The following SLC28A2 variants were observed in gnomAD, a reference collection of about 807,000 sequenced individuals.
SLC28A2 encodes sodium/nucleoside cotransporter 2.
A neutral mutation model predicts 72.9 loss-of-function variants in SLC28A2; 69 were observed. The ratio of observed to expected loss-of-function variants is 0.95; its 90% CI spans 0.78 to 1.16. The LOEUF is 1.16. Among genes scored for constraint, SLC28A2 ranks in the 50% most tolerant of loss-of-function variants. SLC28A2 has a pLI of 0.00. For synonymous variants in SLC28A2, 296 were observed against 294.1 expected, an observed-to-expected ratio of 1.01 and a Z score of -0.07; for missense variants, 745 against 791.1, an observed-to-expected ratio of 0.94 and a Z score of 0.70.
At chr15:45,264,347 C>T (rs143239347) in intron 6 of SLC28A2, among the ~76,000 whole-genome samples, 41 of 152,124 alleles carry the variant, frequency 2.7e-4, no homozygotes, top group African/African-American at 8.9e-4. Flanking sequence ...AAAATCAACA[C>T]GCAGTGCAGA....
In SLC28A2 at chr15:45,272,356, A is replaced by T. The variant is rs1435647592; in HGVS notation, c.1710A>T (p.Thr570=). The part of the protein sequence containing the change: ...LSKVVVRALF[T]GACVSLISAC... ...AGGTTGTGGTCAGGGCCCTCTTCACAGGGGCCTGTGTATCCCTTATCAGTG... is the reference window on the plus strand; with the variant it reads ...AGGTTGTGGTCAGGGCCCTCTTCACTGGGGCCTGTGTATCCCTTATCAGTG... The change falls in exon 16 of 18, where the codon ACA becomes ACT. Residue 570 remains threonine (T), a synonymous_variant. Coordinates refer to ENST00000347644, the MANE Select transcript of SLC28A2 (RefSeq NM_004212.4). The T allele has an allele frequency of 6.2e-7, 1 of 1,614,022 alleles. No homozygotes were observed.
At position 45,264,655 on chromosome 15, in the gene SLC28A2, G is replaced by A; in HGVS notation, c.589G>A (p.Val197Met). Residue 197 changes from valine to methionine, a missense_variant and splice_region_variant, in exon 7 of 18, where the codon GTG becomes ATG. Physicochemically the swap from Val to Met is conservative, Grantham distance 21. Transcript: ENST00000347644. ...LFACSKHHSA[V>M]SWRTVFSGLG... ...GAAATAATATTCTTATTGATCCTAG[G>A]TGTCCTGGAGGACAGTGTTTTCGGG... 1 of 1,576,332 alleles carries A rather than the reference G, an allele frequency of 6.3e-7. No homozygotes were observed. Among genetic ancestry groups the A allele is most frequent in the Non-Finnish European group, 8.7e-7 (1 of 1,145,690 alleles).
chr15:45,266,033 C>A, intron 9 of SLC28A2, 48 bp from the exon 10 acceptor site: 1 of 1,342,540 alleles, frequency 7.4e-7, no homozygotes, highest in South Asian at 1.2e-5. Flanking sequence ...GAGATGTTCT[C>A]CAAGATTCCT....
intron 1 of SLC28A2, 127 bp downstream of exon 1, chr15:45,252,405 G>GT (rs1899821387): frequency 5.0e-6 from 2 of 403,612 alleles, no homozygotes; most frequent in Non-Finnish European, 9.7e-6. Context: ...ATATAAGTTG[G>GT]TTATGTGTGT....
intron 15 of SLC28A2, chr15:45,271,959 A>G: frequency 4.3e-6 from 1 of 233,530 alleles, no homozygotes; most frequent in Non-Finnish European, 8.3e-6. Flanking sequence ...AAGAGTGCGT[A>G]TCTCAAGCAG....
intron 17 of SLC28A2, among the ~76,000 whole-genome samples, chr15:45,274,603 A>G (rs1271083661): frequency 3.9e-5 from 6 of 152,218 alleles, no homozygotes; most frequent in Non-Finnish European, 7.3e-5. Context: ...TACTGGGCCA[A>G]GTGAATGAAT....
chr15:45,275,597 A>G lies in SLC28A2; in HGVS notation c.*84A>G. 1 of 793,128 alleles carries G rather than the reference A, an allele frequency of 1.3e-6. No homozygotes were observed. The highest frequency in any genetic ancestry group is 2.2e-6 in the Non-Finnish European group (1 of 462,756). The allele number at this position is 793,128 out of a possible 1,614,324, so 49.1% of individuals were successfully genotyped here. A position where few individuals can be genotyped will look rare whatever the true frequency, so the allele number is the denominator to read the frequency against. The stretch of plus-strand genomic sequence containing the variant: ...TGTTTATGTACTCAGGGTGCCCACA[A>G]CTCACTCACCAAGATGTTTAACAGT... On this transcript the variant is annotated 3_prime_UTR_variant, in exon 18 of 18. Transcript: ENST00000347644.
intron 3 of SLC28A2, chr15:45,255,338 G>A (rs1280491266): frequency 1.3e-5 from 2 of 151,924 alleles, no homozygotes; most frequent in South Asian, 2.1e-4. Context: ...ACCTTAATGA[G>A]GAGTAAGACC....
chr15:45,274,506 A>T (rs1340755188), intron 17 of SLC28A2, among the ~76,000 whole-genome samples: 2 of 152,044 alleles, frequency 1.3e-5, no homozygotes, highest in Non-Finnish European at 2.9e-5. Flanking sequence ...GGTGCAAACA[A>T]ACAAACAAAC....
In SLC28A2 at chr15:45,268,202, A is replaced by T. The variant is rs2140576203; in HGVS notation, c.1200-8A>T. On this transcript the variant is annotated splice_polypyrimidine_tract_variant and splice_region_variant and intron_variant, in intron 12 of 17. Coordinates refer to ENST00000347644, the MANE Select transcript of SLC28A2 (RefSeq NM_004212.4). ...ACCCTACTCTTGCCCTCTGCCCAAT[A>T]ACCACAGGAAGGAGAGGAATGTCCT... The T allele has an allele frequency of 6.3e-7, 1 of 1,593,212 alleles. No homozygotes were observed. The highest frequency in any genetic ancestry group is 8.6e-7 in the Non-Finnish European group (1 of 1,162,940).
At chr15:45,272,415 G>T in intron 16 of SLC28A2, 22 bp downstream of exon 16, 1 of 1,545,452 alleles carries the variant, frequency 6.5e-7, no homozygotes, top group South Asian at 1.1e-5. Flanking sequence ...AGCTCTGATG[G>T]AGATACTGCT....
At chr15:45,253,356 G>T (rs1002461946) in intron 2 of SLC28A2, 60 bp downstream of exon 2, 2 of 1,550,394 alleles carry the variant, frequency 1.3e-6, no homozygotes, top group African/African-American at 1.4e-5. Context: ...GCTCCTGTAG[G>T]GTATTTGGCT....
At chr15:45,263,009 C>G in intron 4 of SLC28A2, 52 bp from the exon 5 acceptor site, 1 of 1,485,038 alleles carries the variant, frequency 6.7e-7, no homozygotes, top group East Asian at 2.3e-5. Context: ...GTTTCATTTG[C>G]CCATTGGAAG....
chr15:45,275,361 G>A (rs1323146004), intron 17 of SLC28A2, 35 bp from the exon 18 acceptor site: 11 of 1,230,318 alleles, frequency 8.9e-6, no homozygotes, highest in Admixed American at 8.7e-5. Context: ...GTTCCTGTCT[G>A]ACCCCTTATG....
intron 3 of SLC28A2, among the ~76,000 whole-genome samples, chr15:45,256,570 AT>A (rs996006202): frequency 4.1e-5 from 6 of 147,340 alleles, no homozygotes; most frequent in Admixed American, 1.4e-4. Flanking sequence ...CACCCAGCTA[AT>A]TTTTTTTTTG....
chr15:45,274,620 C>A (rs190843709), intron 17 of SLC28A2, among the ~76,000 whole-genome samples: 3 of 152,126 alleles, frequency 2.0e-5, no homozygotes, highest in Non-Finnish European at 4.4e-5. Context: ...GAATGTTGCC[C>A]CTCCTGTGTT....
At chr15:45,264,306 T>A (rs747043643) in intron 6 of SLC28A2, among the ~76,000 whole-genome samples, 7 of 151,908 alleles carry the variant, frequency 4.6e-5, no homozygotes, top group Non-Finnish European at 1.0e-4. Context: ...AGAAAAAAAA[T>A]AAGGAAGGAG....
intron 10 of SLC28A2, 81 bp from the exon 11 acceptor site, chr15:45,267,371 GTCC>G (rs1900369558): frequency 6.9e-7 from 1 of 1,453,460 alleles, no homozygotes; most frequent in East Asian, 2.3e-5. Context: ...TATCTAGTGG[GTCC>G]AGCCCCTGGG....
intron 3 of SLC28A2, among the ~76,000 whole-genome samples, chr15:45,260,629 G>C (rs1158784436): frequency 6.6e-6 from 1 of 152,080 alleles, no homozygotes; most frequent in Non-Finnish European, 1.5e-5. Flanking sequence ...GGGCGTGGTG[G>C]TGCACACCTG....
Sources: allele counts gnomAD v4.1 joint callset (sites outside exome capture counted in the v4.1 genomes callset), GRCh38; gene constraint gnomAD v4.1.1; transcripts MANE v1.5; gene names NCBI Gene and HGNC (gene_info 2026-07-23, HGNC 2026-07-21).